Variants in PPP1CB observed in about 807,000 individuals in gnomAD.
PPP1CB encodes the protein serine/threonine-protein phosphatase PP1-beta catalytic subunit.
A neutral mutation model predicts 43.7 loss-of-function variants in PPP1CB; 2 were observed. The ratio of observed to expected loss-of-function variants is 0.05; its 90% CI spans 0.02 to 0.14. The LOEUF (loss-of-function observed/expected upper bound fraction) is 0.14. Ranked by LOEUF, PPP1CB falls within the 10% of genes least tolerant of loss-of-function variation. The probability of loss-of-function intolerance (pLI) is 1.00; values close to 1 mark genes in which losing one functional copy is unlikely to be tolerated. For synonymous variants in PPP1CB, 136 were observed against 135.6 expected (o/e 1.00, Z -0.02); for missense variants, 84 against 398.0 (o/e 0.21, Z 6.71).
rs1558308851 is a variant in PPP1CB at position 28,787,743 on chromosome 2, TC to T, written c.593-913del. 3.3e-5 allele frequency among the ~76,000 whole-genome samples: 5 copies of T among 152,328 alleles called. No individual in the cohort carries two copies. In the South Asian group the frequency reaches 1.0e-3, roughly 32 times the overall value. On this transcript the variant is annotated intron_variant, in intron 5 of 7. Coordinates refer to ENST00000395366, the MANE Select transcript of PPP1CB (RefSeq NM_002709.3). ...ATACTAAGCCCTTTGTCTTGATCATTCCTTCTCAATACCTAATGTTCATTCT... is the reference window on the plus strand; with the variant it reads ...ATACTAAGCCCTTTGTCTTGATCATTCTTCTCAATACCTAATGTTCATTCT...
intron 5 of PPP1CB, among the ~76,000 whole-genome samples, chr2:28,784,635 G>A (rs902728084): frequency 2.6e-5 from 4 of 151,968 alleles, no homozygotes; most frequent in Admixed American, 6.6e-5. Flanking sequence ...CTCTGGGAAG[G>A]CTGGGAGCAG....
chr2:28,763,613 C>T (rs1192676907), intron 1 of PPP1CB, among the ~76,000 whole-genome samples: 3 of 152,146 alleles, frequency 2.0e-5, no homozygotes, highest in Non-Finnish European at 4.4e-5. Context: ...TGGGCCTTCT[C>T]AGAAAAATAT....
chr2:28,780,157 C>T (rs567399088), intron 3 of PPP1CB, among the ~76,000 whole-genome samples: 12 of 141,756 alleles, frequency 8.5e-5, no homozygotes, highest in African/African-American at 2.8e-4. Flanking sequence ...GGCACGATCT[C>T]AGCTCACTGC....
chr2:28,754,641 C>G (rs1286448475), intron 1 of PPP1CB, among the ~76,000 whole-genome samples: 8 of 152,196 alleles, frequency 5.3e-5, no homozygotes, highest in Non-Finnish European at 1.5e-5. Flanking sequence ...CTTCCCAGAT[C>G]CAGACCTGTT....
chr2:28,769,604 G>T (rs961160181), intron 1 of PPP1CB, among the ~76,000 whole-genome samples: 4 of 152,178 alleles, frequency 2.6e-5, no homozygotes, highest in Admixed American at 2.6e-4. Flanking sequence ...GCAAAGAACT[G>T]CAGAAAGAAA....
rs994222489 is a variant in PPP1CB at position 28,800,570 on chromosome 2, A to C, written c.*1267A>C. On this transcript the variant is annotated 3_prime_UTR_variant, in exon 8 of 8. Transcript: ENST00000395366. ...ATAATTTCTGTACCTGATCAAGTTT[A>C]TTGCAGCCTTTCTTTTCCTATTTCT... The C allele has an allele frequency of 6.6e-6, 1 of 152,410 alleles. No individual in the cohort carries two copies. The highest frequency in any genetic ancestry group is 2.4e-5 in the African/African-American group (1 of 41,440). The allele number at this position is 152,410 out of a possible 1,614,324, so 9.4% of individuals were successfully genotyped here. A position where few individuals can be genotyped will look rare whatever the true frequency, so the allele number is the denominator to read the frequency against.
chr2:28,766,125 T>C (rs1198936542), intron 1 of PPP1CB, among the ~76,000 whole-genome samples: 1 of 152,190 alleles, frequency 6.6e-6, no homozygotes, highest in Non-Finnish European at 1.5e-5. Flanking sequence ...CCGCAAAATT[T>C]AATTTCTAAA....
At chr2:28,794,423 G>T (rs1377614278) in intron 7 of PPP1CB, among the ~76,000 whole-genome samples, 1 of 152,202 alleles carries the variant, frequency 6.6e-6, no homozygotes, top group Non-Finnish European at 1.5e-5. Flanking sequence ...GGGCACGGTG[G>T]CTCACTCCTG....
At chr2:28,768,587 C>A (rs527946066) in intron 1 of PPP1CB, among the ~76,000 whole-genome samples, 1 of 152,202 alleles carries the variant, frequency 6.6e-6, no homozygotes, top group Non-Finnish European at 1.5e-5. Flanking sequence ...TCCACTGTGG[C>A]CCCATCATGA....
At chr2:28,760,089 A>T (rs187194590) in intron 1 of PPP1CB, among the ~76,000 whole-genome samples, 4 of 152,272 alleles carry the variant, frequency 2.6e-5, no homozygotes, top group Admixed American at 2.6e-4. Flanking sequence ...AGTGTTACTG[A>T]TGATCCTGAC....
chr2:28,770,989 T>C (rs917831745), intron 1 of PPP1CB, among the ~76,000 whole-genome samples: 2 of 151,094 alleles, frequency 1.3e-5, no homozygotes, highest in African/African-American at 2.4e-5. Flanking sequence ...TTGGAAGACT[T>C]GAAATTGTGA....
At chr2:28,778,768 C>A in intron 2 of PPP1CB, 41 bp from the exon 3 acceptor site, 1 of 1,328,036 alleles carries the variant, frequency 7.5e-7, no homozygotes, top group Non-Finnish European at 1.1e-6. Context: ...CTGCTTATAA[C>A]AGTAACCAAT....
upstream of PPP1CB, chr2:28,751,787 A>G (rs1408853038): frequency 1.3e-5 from 5 of 391,710 alleles, no homozygotes; most frequent in African/African-American, 8.7e-5. Context: ...GTGCGGAGTG[A>G]GTGGCGCTGC....
chr2:28,765,589 ACTTGT>A (rs1666762632), intron 1 of PPP1CB, among the ~76,000 whole-genome samples: 1 of 152,248 alleles, frequency 6.6e-6, no homozygotes, highest in Non-Finnish European at 1.5e-5. Flanking sequence ...TGAAGATCTC[ACTTGT>A]CTTAACTTGG....
intron 5 of PPP1CB, 30 bp downstream of exon 5, chr2:28,784,008 G>T: frequency 1.3e-6 from 2 of 1,514,036 alleles, no homozygotes; most frequent in Non-Finnish European, 9.2e-7. Context: ...TAATTGTTTT[G>T]TGTAAAGTGT....
Position 28,775,756 on chromosome 2 carries a change from G to A in PPP1CB, c.53-1095G>A, listed in dbSNP as rs1427839586. ...AAATTTAAGGTTAAAGGGAGTCAGG[G>A]GAGATGGTGATGAGAGGAAATGATT... On this transcript the variant is annotated intron_variant, in intron 1 of 7. Coordinates refer to ENST00000395366, the MANE Select transcript of PPP1CB (RefSeq NM_002709.3). Among the ~76,000 whole-genome samples, 2 of 152,092 alleles carry A rather than the reference G, an allele frequency of 1.3e-5. 1 individual carries two copies. Among genetic ancestry groups the A allele is most frequent in the East Asian group, 3.9e-4 (2 of 5,186 alleles).
chr2:28,765,626 CAG>C (rs1666763257), intron 1 of PPP1CB, among the ~76,000 whole-genome samples: 1 of 152,206 alleles, frequency 6.6e-6, no homozygotes, highest in African/African-American at 2.4e-5. Context: ...ATGTATAAAG[CAG>C]TTTGCTGACT....
chr2:28,790,541 T>A (rs906657032), intron 6 of PPP1CB, among the ~76,000 whole-genome samples: 1 of 152,116 alleles, frequency 6.6e-6, no homozygotes, highest in African/African-American at 2.4e-5. Flanking sequence ...GGTTTCACTA[T>A]ACTGGCCAGG....
intron 1 of PPP1CB, among the ~76,000 whole-genome samples, chr2:28,762,183 G>A (rs902309895): frequency 2.6e-5 from 4 of 152,174 alleles, no homozygotes; most frequent in Admixed American, 6.6e-5. Flanking sequence ...TACTTGGGAG[G>A]CTGAGGCACA....
Sources: allele counts gnomAD v4.1 joint callset (sites outside exome capture counted in the v4.1 genomes callset), GRCh38; gene constraint gnomAD v4.1.1; transcripts MANE v1.5; gene names NCBI Gene and HGNC (gene_info 2026-07-23, HGNC 2026-07-21).